The following TTC7A variants were observed in gnomAD, a reference collection of about 807,000 sequenced individuals.
The protein encoded by TTC7A is tetratricopeptide repeat domain 7A, also known as tetratricopeptide repeat protein 7A.
A neutral mutation model predicts 103.7 loss-of-function variants in TTC7A; 110 were observed. The ratio of observed to expected loss-of-function variants is 1.06; its 90% CI spans 0.91 to 1.24. The LOEUF (loss-of-function observed/expected upper bound fraction) is 1.24. Ranked by LOEUF, TTC7A falls within the 50% of genes most tolerant of loss-of-function variation. TTC7A has a pLI of 0.00. For missense variants in TTC7A, 1,340 were observed against 1,116.3 expected (o/e 1.20, Z -2.86); for synonymous variants, 521 against 467.9 (o/e 1.11, Z -1.47).
At chr2:46,976,124 T>A (rs999366987) in intron 4 of TTC7A, among the ~76,000 whole-genome samples, 3 of 152,246 alleles carry the variant, frequency 2.0e-5, no homozygotes, top group Non-Finnish European at 4.4e-5. Context: ...TCAACAGAGA[T>A]CCTGCTAGCC....
intron 8 of TTC7A, among the ~76,000 whole-genome samples, chr2:47,001,956 C>A (rs1676867513): frequency 2.0e-5 from 3 of 152,096 alleles, no homozygotes; most frequent in Admixed American, 2.0e-4. Flanking sequence ...CATGGGCCAG[C>A]CTGCCTGAGG....
chr2:46,934,179 C>G (rs923169281), intron 2 of TTC7A, among the ~76,000 whole-genome samples: 1 of 152,224 alleles, frequency 6.6e-6, no homozygotes, highest in Non-Finnish European at 1.5e-5. Flanking sequence ...TTGCAGGAAA[C>G]TCTTACCCAG....
chr2:47,025,026 T>G (rs1336325090), intron 14 of TTC7A, among the ~76,000 whole-genome samples: 1 of 152,186 alleles, frequency 6.6e-6, no homozygotes, highest in African/African-American at 2.4e-5. Flanking sequence ...AAACAGGACC[T>G]CTCAGGTGGC....
rs183624030 is a variant in TTC7A at position 46,965,939 on chromosome 2, T to A, written c.517+8932T>A. ...TTATTGTGAGCATCACTTGAAAATA[T>A]TTTCTAAGTGCATACTTTTTTTTTT... On this transcript the variant is annotated intron_variant, in intron 3 of 19. Transcript: ENST00000319190. 1.9e-3 allele frequency among the ~76,000 whole-genome samples: 293 copies of A among 151,812 alleles called. 2 individuals are homozygous for A. The highest frequency in any genetic ancestry group is 2.9e-3 in the Non-Finnish European group (195 of 67,914).
chr2:47,051,823 CTGAAG>C lies in TTC7A; in HGVS notation c.2096_2100del (p.Leu699ProfsTer19). 6.2e-7 allele frequency: 1 copy of C among 1,612,236 alleles called. No homozygotes were observed. Among genetic ancestry groups the C allele is most frequent in the Non-Finnish European group, 8.5e-7 (1 of 1,179,800 alleles). The stretch of plus-strand genomic sequence containing the variant: ...AGAGCTGACTATGCCCTCTTCGGTC[CTGAAG>C]CAGGGCCCCATGCAGCTGTGGACCA... On this transcript the variant is annotated frameshift_variant, in exon 18 of 20. Transcript: ENST00000319190. LOFTEE classifies it high-confidence loss of function.
intron 8 of TTC7A, among the ~76,000 whole-genome samples, chr2:47,002,933 C>A (rs940517127): frequency 6.6e-6 from 1 of 152,182 alleles, no homozygotes; most frequent in African/African-American, 2.4e-5. Context: ...CCCAGGGAGC[C>A]TTCCTGGCTG....
intron 13 of TTC7A, among the ~76,000 whole-genome samples, chr2:47,024,082 C>T (rs769750788): frequency 5.3e-5 from 8 of 152,200 alleles, no homozygotes; most frequent in Non-Finnish European, 1.0e-4. Context: ...CCCTCAGGCC[C>T]ACCGTCCCTG....
At chr2:46,922,527 C>T (rs568847298) in intron 2 of TTC7A, among the ~76,000 whole-genome samples, 6 of 146,270 alleles carry the variant, frequency 4.1e-5, no homozygotes, top group African/African-American at 1.1e-4. Flanking sequence ...TATAAATGCT[C>T]AGGGAAAATT....
At chr2:46,936,819 C>T (rs1348618200), upstream of TTC7A, among the ~76,000 whole-genome samples, 1 of 151,622 alleles carries the variant, frequency 6.6e-6, no homozygotes, top group Non-Finnish European at 1.5e-5. Flanking sequence ...TCTTTTTTTT[C>T]ATTAGCATGA....
chr2:46,945,722 C>T (rs1670878517), intron 1 of TTC7A, among the ~76,000 whole-genome samples: 1 of 147,180 alleles, frequency 6.8e-6, no homozygotes, highest in African/African-American at 2.6e-5. Context: ...AGTCACCCTC[C>T]CCGCCGCCCC....
At chr2:46,993,640 T>C in intron 6 of TTC7A, 112 bp downstream of exon 6, 1 of 957,190 alleles carries the variant, frequency 1.0e-6, no homozygotes, top group South Asian at 1.4e-5. Flanking sequence ...GTCTCCTGCC[T>C]GCTTGTGGCA....
At chr2:46,980,985 G>C (rs1674394644) in intron 5 of TTC7A, among the ~76,000 whole-genome samples, 1 of 152,192 alleles carries the variant, frequency 6.6e-6, no homozygotes, top group South Asian at 2.1e-4. Context: ...GCCCCTCTGG[G>C]TGCACCACTG....
chr2:47,073,793 G>A lies in TTC7A; in HGVS notation c.2447G>A (p.Trp816Ter), dbSNP rs1365577276. The part of the protein sequence containing the change: ...VERQSTCHEA[W>*]QGLGEVLQAQ... Reference sequence around the variant, plus strand: ...AGGCAGAGTACGTGCCACGAGGCGTGGCAGGGCCTGGGCGAGGTGCTGCAG... The same window carrying A: ...AGGCAGAGTACGTGCCACGAGGCGTAGCAGGGCCTGGGCGAGGTGCTGCAG... Residue 816 changes from tryptophan to a stop codon, truncating the protein, a stop_gained, in exon 20 of 20, where the codon TGG becomes TAG. Coordinates refer to ENST00000319190, the MANE Select transcript of TTC7A (RefSeq NM_020458.4). LOFTEE classifies it high-confidence loss of function. 9 of 1,613,794 alleles carry A rather than the reference G, an allele frequency of 5.6e-6. No individual in the cohort carries two copies. The highest frequency in any genetic ancestry group is 6.8e-6 in the Non-Finnish European group (8 of 1,180,020).
In TTC7A at chr2:46,974,965, T is replaced by C. The variant is rs1246078210; in HGVS notation, c.518-8T>C. ...GGACAGGTCTGAGGCACCCTCTTCC[T>C]CCCGCAGGCCTCTCTCTGGAACGCC... On this transcript the variant is annotated splice_polypyrimidine_tract_variant and splice_region_variant and intron_variant, in intron 3 of 19. Transcript: ENST00000319190. 6.2e-7 allele frequency: 1 copy of C among 1,612,688 alleles called. No individual in the cohort carries two copies. Among genetic ancestry groups the C allele is most frequent in the African/African-American group, 1.3e-5 (1 of 74,860 alleles).
intron 13 of TTC7A, 111 bp downstream of exon 13, chr2:47,023,576 A>AT: frequency 8.6e-7 from 1 of 1,163,440 alleles, no homozygotes; most frequent in South Asian, 1.3e-5. Context: ...TTCTATCTCC[A>AT]TTTTACAGAT....
chr2:46,950,259 CA>C (rs2103964955), intron 1 of TTC7A, 103 bp from the exon 2 acceptor site: 1 of 1,191,658 alleles, frequency 8.4e-7, no homozygotes, highest in Admixed American at 2.2e-5. Context: ...CTGAGCCATT[CA>C]TGTACTGGGT....
At position 47,015,789 on chromosome 2, in the gene TTC7A, G is replaced by A. The variant is rs114498027; in HGVS notation, c.1392+4354G>A. Among the ~76,000 whole-genome samples the A allele has an allele frequency of 4.3e-3, 659 of 152,336 alleles. 9 individuals are homozygous for A. The highest frequency in any genetic ancestry group is 0.015 in the African/African-American group (618 of 41,566). ...ATTCAGGGGTGGGCAGAGCCAGGAA[G>A]ATGGATTAAGTGTTGATGAGGCAGG... On this transcript the variant is annotated intron_variant, in intron 11 of 19. Transcript: ENST00000319190.
At chr2:47,026,930 G>A (rs961585325) in intron 14 of TTC7A, among the ~76,000 whole-genome samples, 1 of 152,222 alleles carries the variant, frequency 6.6e-6, no homozygotes, top group Non-Finnish European at 1.5e-5. Flanking sequence ...CTGAGCAGGA[G>A]AGGGTGTTTA....
At position 47,006,068 on chromosome 2, in the gene TTC7A, G is replaced by A. The variant is rs201020082; in HGVS notation, c.1203+9G>A. ...ACGTCATGCTCTCGGAGGTACGGCC[G>A]GCCATGCAGCCCACCCCACTCTCCG... On this transcript the variant is annotated intron_variant, in intron 9 of 19. Coordinates refer to ENST00000319190, the MANE Select transcript of TTC7A (RefSeq NM_020458.4). 198 of 1,611,256 alleles carry A rather than the reference G, an allele frequency of 1.2e-4. No homozygotes were observed. The highest frequency in any genetic ancestry group is 1.6e-4 in the Non-Finnish European group (187 of 1,178,708).
Sources: gnomAD v4.1 joint callset for allele counts (sites outside exome capture counted in the v4.1 genomes callset) on GRCh38, gnomAD v4.1.1 for gene constraint, MANE v1.5 for transcripts, NCBI Gene and HGNC (gene_info 2026-07-23, HGNC 2026-07-21) for gene names.